Variants in TMEM108 observed in about 807,000 individuals in gnomAD.
The protein encoded by TMEM108 is cancer/testis antigen 124.
Under a neutral mutation model 35.1 loss-of-function variants are expected in TMEM108, and 12 were observed. That is an observed-to-expected ratio of 0.34 (90% CI 0.22 to 0.55). TMEM108 has a LOEUF of 0.55. TMEM108 is among the 20% of genes least tolerant of loss of function. The pLI is 0.89. For missense variants in TMEM108, 680 were observed against 753.3 expected (o/e 0.90, Z 1.14); for synonymous variants, 287 against 308.6 (o/e 0.93, Z 0.73).
chr3:133,347,954 C>A (rs1240619294), intron 3 of TMEM108, among the ~76,000 whole-genome samples: 1 of 151,982 alleles, frequency 6.6e-6, no homozygotes, highest in Non-Finnish European at 1.5e-5. Context: ...TTAATATTGC[C>A]AGGATTGCCC....
intron 2 of TMEM108, among the ~76,000 whole-genome samples, chr3:133,175,107 G>C (rs912746362): frequency 1.2e-4 from 18 of 152,182 alleles, no homozygotes; most frequent in Admixed American, 9.2e-4. Flanking sequence ...GAAATGAAGT[G>C]AGAAGGGAAG....
intron 3 of TMEM108, among the ~76,000 whole-genome samples, chr3:133,234,521 A>G (rs969172683): frequency 2.4e-4 from 36 of 152,168 alleles, no homozygotes; most frequent in African/African-American, 8.4e-4. Context: ...CTCAATAGAT[A>G]CAGAAAAGGC....
chr3:133,292,304 G>T (rs976930411), intron 3 of TMEM108, among the ~76,000 whole-genome samples: 1 of 152,130 alleles, frequency 6.6e-6, no homozygotes, highest in Non-Finnish European at 1.5e-5. Flanking sequence ...AAATATCAAG[G>T]TTCTTCATAA....
chr3:133,111,639 T>A (rs1347173366), intron 2 of TMEM108, among the ~76,000 whole-genome samples: 1 of 152,170 alleles, frequency 6.6e-6, no homozygotes, highest in African/African-American at 2.4e-5. Context: ...TACTATATAA[T>A]ATGCATCTTT....
chr3:133,267,601 A>G (rs545822680), intron 3 of TMEM108, among the ~76,000 whole-genome samples: 6 of 152,352 alleles, frequency 3.9e-5, no homozygotes, highest in Non-Finnish European at 8.8e-5. Context: ...CACAATTTCC[A>G]TAGATCAGAA....
chr3:133,351,375 C>T (rs182336998), intron 3 of TMEM108, among the ~76,000 whole-genome samples: 8 of 152,224 alleles, frequency 5.3e-5, no homozygotes, highest in South Asian at 4.2e-4. Context: ...ATTCTCCCAC[C>T]GGCTCCTTCC....
chr3:133,343,343 A>G (rs1420698062), intron 3 of TMEM108, among the ~76,000 whole-genome samples: 1 of 151,922 alleles, frequency 6.6e-6, no homozygotes, highest in Non-Finnish European at 1.5e-5. Flanking sequence ...ATATTATTCA[A>G]CCTAGCAATC....
intron 2 of TMEM108, among the ~76,000 whole-genome samples, chr3:133,136,832 A>T (rs1358945648): frequency 6.6e-6 from 1 of 152,220 alleles, no homozygotes; most frequent in Non-Finnish European, 1.5e-5. Context: ...CTGATCTGAA[A>T]TAATTCCTAG....
At chr3:133,112,340 A>C (rs1022059977) in intron 2 of TMEM108, among the ~76,000 whole-genome samples, 6 of 152,170 alleles carry the variant, frequency 3.9e-5, no homozygotes, top group Admixed American at 3.9e-4. Flanking sequence ...TCCTAGTTAG[A>C]TGGCTTTTTT....
chr3:133,280,703 G>A (rs1946900614), intron 3 of TMEM108, among the ~76,000 whole-genome samples: 1 of 152,152 alleles, frequency 6.6e-6, no homozygotes, highest in African/African-American at 2.4e-5. Context: ...AGTTCTACAA[G>A]CCAGCAACCT....
At chr3:133,115,349 C>T (rs1157012957) in intron 2 of TMEM108, among the ~76,000 whole-genome samples, 2 of 152,198 alleles carry the variant, frequency 1.3e-5, no homozygotes, top group African/African-American at 2.4e-5. Context: ...GCAGCTAAAA[C>T]TCACTGAGCA....
intron 3 of TMEM108, among the ~76,000 whole-genome samples, chr3:133,317,916 G>C (rs2071219653): frequency 6.6e-6 from 1 of 152,212 alleles, no homozygotes; most frequent in Non-Finnish European, 1.5e-5. Flanking sequence ...AGCCAGAAAG[G>C]AGAATATATG....
At chr3:133,335,477 A>C (rs1000473216) in intron 3 of TMEM108, among the ~76,000 whole-genome samples, 4 of 152,346 alleles carry the variant, frequency 2.6e-5, no homozygotes, top group Admixed American at 2.0e-4. Context: ...AATGTACTAT[A>C]ACATAGCACA....
chr3:133,358,715 G>C (rs376033438), intron 3 of TMEM108, among the ~76,000 whole-genome samples: 6 of 152,124 alleles, frequency 3.9e-5, no homozygotes, highest in African/African-American at 1.4e-4. Context: ...TCTGCTCCAG[G>C]ACACCTTCCC....
At chr3:133,130,913 T>C (rs1184386122) in intron 2 of TMEM108, among the ~76,000 whole-genome samples, 1 of 152,262 alleles carries the variant, frequency 6.6e-6, no homozygotes, top group African/African-American at 2.4e-5. Flanking sequence ...AAGAAAATTA[T>C]CTGAAAATTT....
chr3:133,066,536 A>G (rs9836009), intron 2 of TMEM108, among the ~76,000 whole-genome samples: 60,663 of 151,922 alleles, frequency 0.4, 12,710 homozygotes, highest in Admixed American at 0.48. Flanking sequence ...CACATATATG[A>G]AGCGTTGGGC....
chr3:133,144,045 C>G (rs1366424899), intron 2 of TMEM108, among the ~76,000 whole-genome samples: 1 of 151,404 alleles, frequency 6.6e-6, no homozygotes, highest in Non-Finnish European at 1.5e-5. Context: ...CATAGGTATA[C>G]ACATGCCATG....
At chr3:133,168,782 C>T (rs988563411) in intron 2 of TMEM108, among the ~76,000 whole-genome samples, 1 of 152,170 alleles carries the variant, frequency 6.6e-6, no homozygotes, top group African/African-American at 2.4e-5. Context: ...TGCTGCTGCT[C>T]ACTCTTTGGG....
intron 2 of TMEM108, among the ~76,000 whole-genome samples, chr3:133,198,973 G>A (rs1290073493): frequency 2.6e-5 from 4 of 152,068 alleles, no homozygotes; most frequent in African/African-American, 9.7e-5. Flanking sequence ...CATATTTCTT[G>A]GAGGCTTCGT....
Sources: allele counts gnomAD v4.1 joint callset (sites outside exome capture counted in the v4.1 genomes callset), GRCh38; gene constraint gnomAD v4.1.1; transcripts MANE v1.5; gene names NCBI Gene and HGNC (gene_info 2026-07-23, HGNC 2026-07-21).